Variants in USP19 observed in about 807,000 individuals in gnomAD.
USP19 encodes ubiquitin specific peptidase 19.
USP19 carries 40 observed loss-of-function variants against 144.8 expected under a neutral mutation model. The observed-to-expected ratio is 0.28, with a 90% CI of 0.21 to 0.36. The LOEUF (loss-of-function observed/expected upper bound fraction) is 0.36. Among genes scored for constraint, USP19 ranks in the 10% least tolerant of loss-of-function variants. The probability of loss-of-function intolerance (pLI) is 1.00; values close to 1 mark genes in which losing one functional copy is unlikely to be tolerated. For synonymous variants in USP19, 701 were observed against 709.3 expected, an observed-to-expected ratio of 0.99 and a Z score of 0.19; for missense variants, 1,518 against 1,822.5, an observed-to-expected ratio of 0.83 and a Z score of 3.04.
chr3:49,114,380 C>A lies in USP19; in HGVS notation c.2293-96G>T. ...CCATTCCGGGGCTTCTGATGGCTCT[C>A]AGGGCCCCCACAGCCAACCAGCAAA... On this transcript the variant is annotated intron_variant, in intron 15 of 26. Coordinates refer to ENST00000417901, the MANE Select transcript of USP19 (RefSeq NM_001199161.2). The surrounding 1 kb of genome is among the most constrained non-coding windows in gnomAD (Gnocchi z 4.5). The A allele has an allele frequency of 1.7e-6, 2 of 1,209,010 alleles. No homozygotes were observed. The highest frequency in any genetic ancestry group is 2.4e-6 in the Non-Finnish European group (2 of 847,572). 74.9% of individuals were successfully genotyped at this position (1,209,010 alleles called of 1,614,324 possible). A position where few individuals can be genotyped will look rare whatever the true frequency, so the allele number is the denominator to read the frequency against.
Position 49,110,377 on chromosome 3 carries a change from G to A in USP19, c.3860-15C>T. ...CAAGCGCCAGCCTACAGCAGGGTGG[G>A]AAGAGTGTGAACAAAGTCTGCACCA... On this transcript the variant is annotated splice_polypyrimidine_tract_variant and intron_variant, in intron 25 of 26. Transcript: ENST00000417901. The surrounding 1 kb of genome is among the most constrained non-coding windows in gnomAD (Gnocchi z 6.1). 6.3e-7 allele frequency: 1 copy of A among 1,597,734 alleles called. No individual in the cohort carries two copies. Among genetic ancestry groups the A allele is most frequent in the East Asian group, 2.2e-5 (1 of 44,712 alleles).
At position 49,108,452 on chromosome 3, in the gene USP19, C is replaced by G; in HGVS notation, c.4115G>C (p.Arg1372Pro). 2.9e-6 allele frequency: 4 copies of G among 1,365,048 alleles called. No individual in the cohort carries two copies. Among genetic ancestry groups the G allele is most frequent in the Non-Finnish European group, 3.8e-6 (4 of 1,047,662 alleles). 84.6% of individuals were successfully genotyped at this position (1,365,048 alleles called of 1,614,324 possible). The change falls in exon 27 of 27, where the codon CGG becomes CCG. Residue 1372 changes from arginine to proline, a missense_variant. Arg to Pro is a moderately radical substitution (Grantham distance 103). Coordinates refer to ENST00000417901, the MANE Select transcript of USP19 (RefSeq NM_001199161.2). This position sits in a 1 kb window ranked among gnomAD's most constrained non-coding sequence, Gnocchi z 4.8. ...APERFAPPVDRPAPTYSNMEE... is the reference protein window; with the variant it reads ...APERFAPPVDPPAPTYSNMEE... ...CATGTTGCTGTAGGTGGGGGCTGGCCGATCCACAGGGGGGGCGAAGCGTTC... is the reference window on the plus strand; with the variant it reads ...CATGTTGCTGTAGGTGGGGGCTGGCGGATCCACAGGGGGGGCGAAGCGTTC...
At position 49,112,759 on chromosome 3, in the gene USP19, G is replaced by A. The variant is rs1457498733; in HGVS notation, c.2506-130C>T. The A allele has an allele frequency of 1.5e-6, 2 of 1,294,954 alleles. No homozygotes were observed. Among genetic ancestry groups the A allele is most frequent in the East Asian group, 2.5e-5 (1 of 39,420 alleles). The allele number at this position is 1,294,954 out of a possible 1,614,324, so 80.2% of individuals were successfully genotyped here. A position where few individuals can be genotyped will look rare whatever the true frequency, so the allele number is the denominator to read the frequency against. ...TGGTGAGGTCTGTAGGCCCAAATAG[G>A]CTTATGCCTCTGCTGGCACCTGTCT... On this transcript the variant is annotated intron_variant, in intron 17 of 26. Coordinates refer to ENST00000417901, the MANE Select transcript of USP19 (RefSeq NM_001199161.2). This position sits in a 1 kb window ranked among gnomAD's most constrained non-coding sequence, Gnocchi z 4.9.
chr3:49,117,392 G>A lies in USP19; in HGVS notation c.607-31C>T, dbSNP rs747039271. Reference sequence around the variant, plus strand: ...AAAGATACAGCAGTCAGGCCCTGTCGACTACACTGGTATCCCTACCCAACC... The same window carrying A: ...AAAGATACAGCAGTCAGGCCCTGTCAACTACACTGGTATCCCTACCCAACC... On this transcript the variant is annotated intron_variant, in intron 5 of 26. Transcript: ENST00000417901. The surrounding 1 kb of genome is among the most constrained non-coding windows in gnomAD (Gnocchi z 4.4). 7 of 1,608,432 alleles carry A rather than the reference G, an allele frequency of 4.4e-6. No individual in the cohort carries two copies. Among genetic ancestry groups the A allele is most frequent in the East Asian group, 4.5e-5 (2 of 44,724 alleles).
Position 49,119,110 on chromosome 3 carries a change from T to C in USP19, c.36A>G (p.Arg12=). ...SGGASATGPR[R]GPPGLEDTTS... ...TGGTGTCCTCCAGTCCTGGGGGCCCTCTCCTTGGGCCTGTGGCACTGGCCC... is the reference window on the plus strand; with the variant it reads ...TGGTGTCCTCCAGTCCTGGGGGCCCCCTCCTTGGGCCTGTGGCACTGGCCC... Residue 12 remains arginine, a synonymous_variant, in exon 2 of 27, where the codon AGA becomes AGG. Transcript: ENST00000417901. 1 of 1,613,844 alleles carries C rather than the reference T, an allele frequency of 6.2e-7. No homozygotes were observed. Among genetic ancestry groups the C allele is most frequent in the South Asian group, 1.1e-5 (1 of 91,046 alleles).
rs1440889684 is a variant in USP19, at chr3:49,117,180, TGGGCCCCG to T, written c.780_787del (p.Ala262ArgfsTer22). On this transcript the variant is annotated frameshift_variant, in exon 6 of 27. Transcript: ENST00000417901. LOFTEE classifies it high-confidence loss of function. This position sits in a 1 kb window ranked among gnomAD's most constrained non-coding sequence, Gnocchi z 4.4. Reference sequence around the variant, plus strand: ...AGCCCTCTTGGCGCTGGGCCCTGCCTGGGCCCCGGGGCCAGCCCCTGCGCCTACCTCAC... The same window carrying T: ...AGCCCTCTTGGCGCTGGGCCCTGCCTGGGCCAGCCCCTGCGCCTACCTCAC... 1 of 1,548,062 alleles carries T rather than the reference TGGGCCCCG, an allele frequency of 6.5e-7. No individual in the cohort carries two copies. Among genetic ancestry groups the T allele is most frequent in the Non-Finnish European group, 8.7e-7 (1 of 1,146,802 alleles).
chr3:49,118,243 G>T, intron 2 of USP19, 123 bp from the exon 3 acceptor site: 2 of 422,704 alleles, frequency 4.7e-6, no homozygotes, highest in Non-Finnish European at 8.4e-6. Flanking sequence ...ACTCCAATCT[G>T]TGCAAGAGTG....
chr3:49,115,942 C>T lies in USP19; in HGVS notation c.1474G>A (p.Ala492Thr), dbSNP rs1293735110. 6.4e-7 allele frequency: 1 copy of T among 1,553,638 alleles called. No individual in the cohort carries two copies. Among genetic ancestry groups the T allele is most frequent in the Non-Finnish European group, 8.7e-7 (1 of 1,152,440 alleles). The change falls in exon 11 of 27, where the codon GCA (alanine) becomes ACA (threonine). Residue 492 changes from alanine to threonine, a missense_variant and splice_region_variant. Ala to Thr is a moderately conservative substitution (Grantham distance 58). Transcript: ENST00000417901. The surrounding 1 kb of genome is among the most constrained non-coding windows in gnomAD (Gnocchi z 6.6). ...GGLEAPAARG[A>T]VGGAKVAVPT... Reference sequence around the variant, plus strand: ...ACGGCAACCTTTGCACCACCCACTGCACCTTAAAAAGGGGGAATGAGAGGG... The same window carrying T: ...ACGGCAACCTTTGCACCACCCACTGTACCTTAAAAAGGGGGAATGAGAGGG...
chr3:49,110,620 A>G lies in USP19; in HGVS notation c.3699-16T>C. 1.2e-6 allele frequency: 2 copies of G among 1,613,398 alleles called. No homozygotes were observed. Among genetic ancestry groups the G allele is most frequent in the Non-Finnish European group, 1.7e-6 (2 of 1,179,684 alleles). ...GTCCAGGTTCCTGCAGGTCAGGTCC[A>G]GTCAGGGAGGGGTGAGACAGGCAAC... On this transcript the variant is annotated splice_polypyrimidine_tract_variant and intron_variant, in intron 24 of 26. Coordinates refer to ENST00000417901, the MANE Select transcript of USP19 (RefSeq NM_001199161.2). The surrounding 1 kb of genome is among the most constrained non-coding windows in gnomAD (Gnocchi z 6.1).
Position 49,111,073 on chromosome 3 carries a change from T to C in USP19, c.3422A>G (p.Lys1141Arg), listed in dbSNP as rs1269177707. Reference protein sequence around the residue: ...RLQEFVLVASKELECAEDPGS... With the variant: ...RLQEFVLVASRELECAEDPGS... ...TGGATCCTCAGCACATTCCAGCTCC[T>C]TGGAGGCTACCAACACAAACTCCTG... is the stretch of plus-strand genomic sequence containing the variant. Residue 1141 changes from lysine to arginine, a missense_variant, in exon 23 of 27, where the codon AAG becomes AGG. Lys to Arg is a conservative substitution (Grantham distance 26). Around this residue, in one of 5 missense-constraint regions of USP19, gnomAD observed 413 missense variants for 515.8 expected, o/e 0.80. Transcript: ENST00000417901. The surrounding 1 kb of genome is among the most constrained non-coding windows in gnomAD (Gnocchi z 5.9). 2.5e-6 allele frequency: 4 copies of C among 1,613,906 alleles called. No individual in the cohort carries two copies. Among genetic ancestry groups the C allele is most frequent in the African/African-American group, 2.7e-5 (2 of 74,932 alleles).
chr3:49,116,079 C>A lies in USP19; in HGVS notation c.1439G>T (p.Arg480Leu). The A allele has an allele frequency of 6.2e-7, 1 of 1,611,662 alleles. No homozygotes were observed. Among genetic ancestry groups the A allele is most frequent in the Admixed American group, 1.7e-5 (1 of 58,938 alleles). Residue 480 changes from arginine to leucine, a missense_variant, in exon 10 of 27, where the codon CGC (arginine) becomes CTC (leucine). This residue lies in a region of USP19 where 707 missense variants were observed against 728.9 expected (regional missense o/e 0.97). Transcript: ENST00000417901. The surrounding 1 kb of genome is among the most constrained non-coding windows in gnomAD (Gnocchi z 5.0). ...DICLRKRQSQ[R>L]WGGLEAPAAR... ...AGCCGGGGCCTCCAGGCCCCCCCAG[C>A]GCTGACTCTGCCTCTTACGAAGGCA...
At position 49,111,434 on chromosome 3, in the gene USP19, A is replaced by G. The variant is rs1057433075; in HGVS notation, c.3217+66T>C. The G allele has an allele frequency of 2.4e-5, 38 of 1,613,104 alleles. No homozygotes were observed. The African/African-American group carries it at 3.6e-4, about 15-fold the overall frequency. ...CCTCACCAGGCCCACCAGGCCCTAA[A>G]CAACAGCCCCCTCCATCCTCCCTTA... is the stretch of plus-strand genomic sequence containing the variant. On this transcript the variant is annotated intron_variant, in intron 21 of 26. Transcript: ENST00000417901. This position sits in a 1 kb window ranked among gnomAD's most constrained non-coding sequence, Gnocchi z 5.9.
chr3:49,110,057 CTG>C lies in USP19; in HGVS notation c.4038+125_4038+126del, dbSNP rs1287193622. 5 of 1,166,832 alleles carry C rather than the reference CTG, an allele frequency of 4.3e-6. No individual in the cohort carries two copies. The highest frequency in any genetic ancestry group is 5.7e-6 in the Non-Finnish European group (5 of 872,878). 72.3% of individuals were successfully genotyped at this position (1,166,832 alleles called of 1,614,324 possible). A position where few individuals can be genotyped will look rare whatever the true frequency, so the allele number is the denominator to read the frequency against. Reference sequence around the variant, plus strand: ...CTAAAGCTTTGATGTTAAGAGAACTCTGCAATTCTCATGAATCCCAAGGCTCA... The same window carrying C: ...CTAAAGCTTTGATGTTAAGAGAACTCCAATTCTCATGAATCCCAAGGCTCA... On this transcript the variant is annotated intron_variant, in intron 26 of 26. Transcript: ENST00000417901. This position sits in a 1 kb window ranked among gnomAD's most constrained non-coding sequence, Gnocchi z 6.1.
rs1240597467 is a variant in USP19 at position 49,117,177 on chromosome 3, G to C, written c.791C>G (p.Ala264Gly). Residue 264 changes from alanine to glycine, a missense_variant, in exon 6 of 27, where the codon GCA becomes GGA. Ala to Gly is a moderately conservative substitution (Grantham distance 60). This residue lies in a region of USP19 where 707 missense variants were observed against 728.9 expected (regional missense o/e 0.97). Transcript: ENST00000417901. This position sits in a 1 kb window ranked among gnomAD's most constrained non-coding sequence, Gnocchi z 4.4. ...VGAGAGPGAQ[A>G]GPSAKRAVHL... is the part of the protein sequence containing the mutation. ...CACAGCCCTCTTGGCGCTGGGCCCT[G>C]CCTGGGCCCCGGGGCCAGCCCCTGC... is the stretch of plus-strand genomic sequence containing the variant. The C allele has an allele frequency of 6.5e-7, 1 of 1,548,086 alleles. No homozygotes were observed. The highest frequency in any genetic ancestry group is 8.7e-7 in the Non-Finnish European group (1 of 1,146,808).
At chr3:49,118,674 G>A (rs528339937) in intron 2 of USP19, among the ~76,000 whole-genome samples, 3 of 151,908 alleles carry the variant, frequency 2.0e-5, no homozygotes, top group Non-Finnish European at 2.9e-5. Flanking sequence ...CCTGAACCAG[G>A]AGGTGGACGT....
chr3:49,117,885 G>C lies in USP19; in HGVS notation c.299-55C>G. On this transcript the variant is annotated intron_variant, in intron 3 of 26. Coordinates refer to ENST00000417901, the MANE Select transcript of USP19 (RefSeq NM_001199161.2). This position sits in a 1 kb window ranked among gnomAD's most constrained non-coding sequence, Gnocchi z 4.4. ...CAGCCTAATGAAACTGCTTCAGATG[G>C]GAGCCAAATTGCAAGTGCCCCCTCC... 1 of 1,613,000 alleles carries C rather than the reference G, an allele frequency of 6.2e-7. No individual in the cohort carries two copies.
In USP19 at chr3:49,117,024, A is replaced by G. The variant is rs781766082; in HGVS notation, c.909+35T>C. On this transcript the variant is annotated intron_variant, in intron 6 of 26. Transcript: ENST00000417901. The surrounding 1 kb of genome is among the most constrained non-coding windows in gnomAD (Gnocchi z 4.4). ...ACTCCAGTGCACACCCTTTCCCCCC[A>G]TCTCCTAACACCCAAACAGGTGCCC... is the stretch of plus-strand genomic sequence containing the variant. 2 of 1,530,828 alleles carry G rather than the reference A, an allele frequency of 1.3e-6. No homozygotes were observed. Among genetic ancestry groups the G allele is most frequent in the Non-Finnish European group, 1.8e-6 (2 of 1,135,262 alleles). The allele number at this position is 1,530,828 out of a possible 1,614,324, so 94.8% of individuals were successfully genotyped here. A position where few individuals can be genotyped will look rare whatever the true frequency, so the allele number is the denominator to read the frequency against.
In USP19 at chr3:49,119,264, C is replaced by T; in HGVS notation, c.-119G>A. ...GGCAACTCTTTGTGGCCAAATTCTC[C>T]AGCAAGGAACGGACAGCCTAATGGA... On this transcript the variant is annotated 5_prime_UTR_variant, in exon 2 of 27. Transcript: ENST00000417901. The T allele has an allele frequency of 2.9e-6, 4 of 1,376,126 alleles. No individual in the cohort carries two copies. The highest frequency in any genetic ancestry group is 3.9e-6 in the Non-Finnish European group (4 of 1,028,974). 85.2% of individuals were successfully genotyped at this position (1,376,126 alleles called of 1,614,324 possible).
In USP19 at chr3:49,111,137, A is replaced by G. The variant is rs770071966; in HGVS notation, c.3358T>C (p.Cys1120Arg). Residue 1120 changes from cysteine (C) to arginine (R), a missense_variant, in exon 23 of 27, where the codon TGT (cysteine) becomes CGT (arginine). Cys to Arg is a radical substitution (Grantham distance 180). This residue lies in a region of USP19 where 413 missense variants were observed against 515.8 expected (regional missense o/e 0.80). Transcript: ENST00000417901. The surrounding 1 kb of genome is among the most constrained non-coding windows in gnomAD (Gnocchi z 5.9). ...TTCCGCCAGACGAGAGCCAGGCTAC[A>G]GTCGTCACCCAGCTCCAGTGGGGTG... Reference protein sequence around the residue: ...GDTPLELGDDCSLALVWRNNE... With the variant: ...GDTPLELGDDRSLALVWRNNE... 2 of 1,613,720 alleles carry G rather than the reference A, an allele frequency of 1.2e-6. No homozygotes were observed. The highest frequency in any genetic ancestry group is 1.7e-6 in the Non-Finnish European group (2 of 1,180,038).
Sources: gnomAD v4.1 joint callset for allele counts (sites outside exome capture counted in the v4.1 genomes callset) on GRCh38, gnomAD v4.1.1 for gene constraint, gnomAD v4.1.1 regional missense constraint, Gnocchi (gnomAD v3.1) non-coding constraint, MANE v1.5 for transcripts, NCBI Gene and HGNC (gene_info 2026-07-23, HGNC 2026-07-21) for gene names.